Variants in GGT1 observed in about 807,000 individuals in gnomAD.
GGT1 encodes the protein glutathione hydrolase 1 proenzyme.
A neutral mutation model predicts 56.0 loss-of-function variants in GGT1; 21 were observed. The observed-to-expected ratio is 0.38, with a 90% CI of 0.27 to 0.54. The LOEUF (loss-of-function observed/expected upper bound fraction) is 0.54. GGT1 is among the 20% of genes least tolerant of loss of function. GGT1 has a pLI of 0.82. For missense variants in GGT1, 466 were observed against 787.0 expected, an observed-to-expected ratio of 0.59 and a Z score of 4.88; for synonymous variants, 238 against 342.6, an observed-to-expected ratio of 0.69 and a Z score of 3.37.
chr22:24,588,111 A>G, the GGT1 span: 6 of 891,176 alleles, frequency 6.7e-6, no homozygotes, highest in Non-Finnish European at 1.1e-5. Context: ...GGGCCTCACC[A>G]GGTGGGATTT....
chr22:24,589,290 C>A, the GGT1 span: 1 of 1,229,938 alleles, frequency 8.1e-7, no homozygotes, highest in Non-Finnish European at 1.0e-6. Flanking sequence ...CTGCAGGTGG[C>A]AAACTCCACC....
the GGT1 span, among the ~76,000 whole-genome samples, chr22:24,586,827 G>A: frequency 6.2e-4 from 95 of 152,328 alleles, 1 homozygote; most frequent in South Asian, 1.2e-3. Context: ...CACTGCGCCC[G>A]GGCCCAAACT....
At chr22:24,589,031 C>T in the GGT1 span, 1 of 1,022,614 alleles carries the variant, frequency 9.8e-7, no homozygotes, top group Admixed American at 5.8e-5. Context: ...CAGCTGCAAG[C>T]CCTGGCTGTT....
chr22:24,611,205 G>A lies in GGT1; in HGVS notation c.124G>A (p.Ala42Thr), dbSNP rs2330836. 5,870 of 1,567,192 alleles carry A rather than the reference G, an allele frequency of 3.7e-3. 21 individuals are homozygous for A. The highest frequency in any genetic ancestry group is 4.1e-3 in the Non-Finnish European group (4,777 of 1,151,414). ...EPDNHVYTRA[A>T]VAADAKQCSK... ...TGACAACCATGTGTACACCAGGGCT[G>A]CCGTGGCCGCGGATGCCAAGCAGTG... The change falls in exon 5 of 16, where the codon GCC (alanine) becomes ACC (threonine). Residue 42 changes from alanine (A) to threonine (T), a missense_variant. Coordinates refer to ENST00000400382, the MANE Select transcript of GGT1 (RefSeq NM_001288833.2).
chr22:24,594,476 CT>C (rs2045657551), upstream of GGT1, among the ~76,000 whole-genome samples: 1 of 151,814 alleles, frequency 6.6e-6, no homozygotes, highest in African/African-American at 2.4e-5. Flanking sequence ...GGGTTAAGCA[CT>C]GCCTGCCCAG....
At chr22:24,605,253 A>G (rs2046040721) in intron 1 of GGT1, among the ~76,000 whole-genome samples, 1 of 37,882 alleles carries the variant, frequency 2.6e-5, no homozygotes, top group South Asian at 8.1e-4. Flanking sequence ...ATTATATAAT[A>G]TGTATTATAT....
At chr22:24,597,642 C>T (rs1444907842) in intron 1 of GGT1, among the ~76,000 whole-genome samples, 2 of 150,544 alleles carry the variant, frequency 1.3e-5, no homozygotes, top group Non-Finnish European at 3.0e-5. Context: ...GATAGCACCA[C>T]GGCATTCCAG....
At chr22:24,586,634 C>T in the GGT1 span, among the ~76,000 whole-genome samples, 17 of 152,240 alleles carry the variant, frequency 1.1e-4, no homozygotes, top group Non-Finnish European at 1.9e-4. Context: ...CGGATTCAAG[C>T]GATTCTCCTG....
chr22:24,606,216 C>T (rs2046316410), intron 1 of GGT1, among the ~76,000 whole-genome samples: 1 of 147,800 alleles, frequency 6.8e-6, no homozygotes, highest in Non-Finnish European at 1.5e-5. Context: ...TATACATGTG[C>T]CATGTTGGTG....
chr22:24,614,348 C>CAAAAAAAA (rs534749815), intron 5 of GGT1, among the ~76,000 whole-genome samples: 4 of 10,748 alleles, frequency 3.7e-4, no homozygotes, highest in Admixed American at 1.2e-3. Flanking sequence ...GACTTTGTCT[C>CAAAAAAAA]AAAAAAAAAA....
intron 5 of GGT1, among the ~76,000 whole-genome samples, 157 bp downstream of exon 5, chr22:24,611,402 G>C (rs917520571): frequency 6.6e-6 from 1 of 152,076 alleles, no homozygotes; most frequent in Admixed American, 6.6e-5. Context: ...CGAGAGCAGG[G>C]TGTGGGTCTC....
upstream of GGT1, chr22:24,589,956 G>T: frequency 6.3e-7 from 1 of 1,581,446 alleles, no homozygotes. Flanking sequence ...GGTCCTGTGA[G>T]TGGTGAAGAG....
intron 5 of GGT1, among the ~76,000 whole-genome samples, chr22:24,613,271 A>G (rs1295107797): frequency 6.6e-6 from 1 of 151,546 alleles, no homozygotes; most frequent in Admixed American, 6.6e-5. Flanking sequence ...AGATGGTCTC[A>G]CTCTATTGCC....
upstream of GGT1, among the ~76,000 whole-genome samples, chr22:24,600,786 C>T (rs2045769281): frequency 6.6e-6 from 1 of 152,198 alleles, no homozygotes; most frequent in Non-Finnish European, 1.5e-5. Context: ...GTGGCCCCTG[C>T]TTCTCTGCTC....
At position 24,614,890 on chromosome 22, in the gene GGT1, C is replaced by G. The variant is rs1253960818; in HGVS notation, c.279C>G (p.Ile93Met). The change falls in exon 6 of 16, where the codon ATC (isoleucine) becomes ATG (methionine). Residue 93 changes from isoleucine to methionine, a missense_variant. Coordinates refer to ENST00000400382, the MANE Select transcript of GGT1 (RefSeq NM_001288833.2). ...TCGGGGGTGGCCTCTTCCTCACCAT[C>G]TACAACAGCACCACACGTGAGTGCC... ...MGIGGGLFLTIYNSTTRKAEV... is the reference protein window; with the variant it reads ...MGIGGGLFLTMYNSTTRKAEV... The G allele has an allele frequency of 6.8e-6, 11 of 1,613,280 alleles. No homozygotes were observed. Among genetic ancestry groups the G allele is most frequent in the South Asian group, 2.2e-5 (2 of 91,066 alleles).
At chr22:24,592,444 C>A (rs1268342349), upstream of GGT1, 6 of 470,024 alleles carry the variant, frequency 1.3e-5, no homozygotes, top group Non-Finnish European at 2.6e-5. Context: ...GGGAAGTTAC[C>A]CTCTTCCATT....
intron 1 of GGT1, among the ~76,000 whole-genome samples, chr22:24,606,983 C>G (rs150494974): frequency 0.026 from 2,602 of 100,586 alleles, no homozygotes; most frequent in Middle Eastern, 0.031. Flanking sequence ...ATGGGCAGCA[C>G]TGTCCAAAGT....
rs1229519204 is a variant in GGT1, at chr22:24,605,057, AT to A, written c.-429+1532del. Among the ~76,000 whole-genome samples the A allele has an allele frequency of 1.1e-4, 8 of 75,626 alleles. 1 individual carries two copies. Among genetic ancestry groups the A allele is most frequent in the African/African-American group, 2.3e-4 (3 of 13,258 alleles). The allele number at this position is 75,626 out of a possible 152,430, so 49.6% of individuals were successfully genotyped here. A position where few individuals can be genotyped will look rare whatever the true frequency, so the allele number is the denominator to read the frequency against. ...ATATAAAATATGTAATATATTATAT[AT>A]TATATGTAATATATAATATATAAAG... is the stretch of plus-strand genomic sequence containing the variant. On this transcript the variant is annotated intron_variant, in intron 1 of 15. Coordinates refer to ENST00000400382, the MANE Select transcript of GGT1 (RefSeq NM_001288833.2).
chr22:24,599,789 C>A (rs2006227), upstream of GGT1, among the ~76,000 whole-genome samples: 58,426 of 151,964 alleles, frequency 0.38, 11,461 homozygotes, highest in Middle Eastern at 0.53. Context: ...CGAGGGAGGT[C>A]GGGAAGGTGC....
Sources: allele counts gnomAD v4.1 joint callset (sites outside exome capture counted in the v4.1 genomes callset), GRCh38; gene constraint gnomAD v4.1.1; transcripts MANE v1.5; gene names NCBI Gene and HGNC (gene_info 2026-07-23, HGNC 2026-07-21).